COPG2: variants seen among roughly 807,000 people sequenced by gnomAD.
The protein encoded by COPG2 is coatomer subunit gamma-2.
COPG2 carries 37 observed loss-of-function variants against 46.3 expected under a neutral mutation model. That is an observed-to-expected ratio of 0.80 (90% CI 0.61 to 1.05). The LOEUF (loss-of-function observed/expected upper bound fraction) is 1.05, where lower values mean the gene tolerates loss of function less well. COPG2 is among the 50% of genes least tolerant of loss of function. COPG2 has a pLI of 0.00. For synonymous variants in COPG2, 159 were observed against 129.7 expected, an observed-to-expected ratio of 1.23 and a Z score of -1.53; for missense variants, 427 against 387.8, an observed-to-expected ratio of 1.10 and a Z score of -0.85.
At chr7:130,584,584 T>C (rs782388342) in intron 9 of COPG2, among the ~76,000 whole-genome samples, 35 of 152,140 alleles carry the variant, frequency 2.3e-4, no homozygotes, top group Middle Eastern at 3.4e-3. Context: ...AGAAATCTCT[T>C]AGAACTGATA....
intron 9 of COPG2, among the ~76,000 whole-genome samples, chr7:130,603,638 T>C (rs1178123770): frequency 3.3e-5 from 5 of 150,102 alleles, no homozygotes; most frequent in East Asian, 3.9e-4. Context: ...GGAGAATCAA[T>C]TGAACCCGGG....
chr7:130,510,890 A>G (rs1799583915), intron 20 of COPG2: 1 of 518,942 alleles, frequency 1.9e-6, no homozygotes, highest in East Asian at 5.4e-5. Flanking sequence ...ATGCACTGCC[A>G]TAATGTAAAT....
chr7:130,508,031 T>A (rs1799530190), intron 21 of COPG2: 1 of 528,300 alleles, frequency 1.9e-6, no homozygotes. Flanking sequence ...CAGATCAACA[T>A]CTGTAGCCCT....
intron 20 of COPG2, among the ~76,000 whole-genome samples, chr7:130,530,281 T>A (rs1294564498): frequency 6.6e-6 from 1 of 151,908 alleles, no homozygotes; most frequent in African/African-American, 2.4e-5. Flanking sequence ...GGGCTGCATC[T>A]GAGGTAAATG....
chr7:130,600,842 C>A (rs868918303), intron 9 of COPG2, among the ~76,000 whole-genome samples: 1 of 152,078 alleles, frequency 6.6e-6, no homozygotes, highest in Non-Finnish European at 1.5e-5. Context: ...TCCAAGATGG[C>A]CCCCCAAAAT....
intron 5 of COPG2, among the ~76,000 whole-genome samples, chr7:130,649,853 G>A (rs1327316415): frequency 6.6e-6 from 1 of 151,976 alleles, no homozygotes; most frequent in East Asian, 1.9e-4. Context: ...CCACTTCCAG[G>A]TACCAAAATC....
At chr7:130,608,272 C>T in intron 9 of COPG2, 1 of 430,108 alleles carries the variant, frequency 2.3e-6, no homozygotes, top group South Asian at 1.8e-5. Flanking sequence ...CTACTATTTT[C>T]ATATATTTCA....
At chr7:130,616,813 AG>A (rs1794957387) in intron 6 of COPG2, among the ~76,000 whole-genome samples, 176 bp downstream of exon 6, 1 of 152,220 alleles carries the variant, frequency 6.6e-6, no homozygotes, top group African/African-American at 2.4e-5. Context: ...ACATAAATAA[AG>A]GAAAAAAATC....
intron 9 of COPG2, among the ~76,000 whole-genome samples, chr7:130,592,174 G>C (rs1487860705): frequency 2.0e-5 from 3 of 152,148 alleles, no homozygotes; most frequent in African/African-American, 7.2e-5. Flanking sequence ...GGTGCAAGAT[G>C]TGCTTTGTTA....
intron 16 of COPG2, 123 bp from the exon 17 acceptor site, chr7:130,550,772 T>TAA (rs1793526284): frequency 2.7e-6 from 1 of 374,058 alleles, no homozygotes; most frequent in Non-Finnish European, 4.7e-6. Context: ...CCAAAAGCTT[T>TAA]ATAACCTAAA....
Position 130,634,747 on chromosome 7 carries a change from T to C in COPG2, c.324-17682A>G, listed in dbSNP as rs139409884. On this transcript the variant is annotated intron_variant, in intron 5 of 23. Transcript: ENST00000425248. ...CCTAGCCAGAACTTCCAATAATATG[T>C]TGAATAGGAGTGGTGAGAGAGGGCA... Among the ~76,000 whole-genome samples the C allele has an allele frequency of 3.1e-3, 466 of 152,256 alleles. 3 individuals are homozygous for C. The highest frequency in any genetic ancestry group is 5.4e-3 in the Non-Finnish European group (367 of 68,006).
intron 5 of COPG2, among the ~76,000 whole-genome samples, chr7:130,644,269 G>T (rs1795549494): frequency 6.6e-6 from 1 of 152,186 alleles, no homozygotes; most frequent in Admixed American, 6.5e-5. Flanking sequence ...TTCAGAAAGA[G>T]AAACACTAGG....
At chr7:130,609,126 C>T (rs1270238533) in intron 9 of COPG2, among the ~76,000 whole-genome samples, 4 of 152,114 alleles carry the variant, frequency 2.6e-5, no homozygotes, top group Non-Finnish European at 5.9e-5. Context: ...AGCGATTCAC[C>T]TGCCTCAGCC....
intron 9 of COPG2, among the ~76,000 whole-genome samples, chr7:130,564,936 C>CA (rs1391839992): frequency 1.3e-4 from 19 of 151,972 alleles, no homozygotes; most frequent in Non-Finnish European, 1.5e-4. Flanking sequence ...GGAGTTTGTC[C>CA]AAAAAAATCA....
At chr7:130,536,558 G>A (rs897590214) in intron 20 of COPG2, among the ~76,000 whole-genome samples, 1 of 152,194 alleles carries the variant, frequency 6.6e-6, no homozygotes, top group East Asian at 1.9e-4. Flanking sequence ...GGCTTCCTCG[G>A]GGTCCTGCAT....
At chr7:130,615,786 T>C (rs1427639673) in intron 6 of COPG2, among the ~76,000 whole-genome samples, 2 of 152,218 alleles carry the variant, frequency 1.3e-5, no homozygotes, top group Non-Finnish European at 2.9e-5. Flanking sequence ...AGAATGACAC[T>C]GGGTGACCTT....
At chr7:130,635,246 C>T (rs1446859607) in intron 5 of COPG2, among the ~76,000 whole-genome samples, 3 of 151,690 alleles carry the variant, frequency 2.0e-5, no homozygotes, top group African/African-American at 2.4e-5. Flanking sequence ...GGGAGGAGTC[C>T]CTCTTTTTCT....
chr7:130,658,558 AT>A (rs1318541015), intron 4 of COPG2, among the ~76,000 whole-genome samples: 2 of 152,322 alleles, frequency 1.3e-5, no homozygotes, highest in African/African-American at 4.8e-5. Flanking sequence ...TAAAAAAAAA[AT>A]AATAGTCCAG....
intron 20 of COPG2, chr7:130,511,402 A>G (rs1175882768): frequency 1.3e-5 from 7 of 519,910 alleles, no homozygotes; most frequent in Admixed American, 3.9e-5. Context: ...TGTGTAGGAC[A>G]TCGAGGAAAG....
Sources: gnomAD v4.1 joint callset for allele counts (sites outside exome capture counted in the v4.1 genomes callset) on GRCh38, gnomAD v4.1.1 for gene constraint, MANE v1.5 for transcripts, NCBI Gene and HGNC (gene_info 2026-07-23, HGNC 2026-07-21) for gene names.